Variants in INSR observed in about 807,000 individuals in gnomAD.
INSR encodes IR.
INSR carries 67 observed loss-of-function variants against 142.6 expected under a neutral mutation model. That is an observed-to-expected ratio of 0.47 (90% confidence interval 0.39 to 0.58). The LOEUF is 0.58. Ranked by LOEUF, INSR falls within the 20% of genes least tolerant of loss-of-function variation. INSR has a pLI of 0.00. For missense variants in INSR, 1,248 were observed against 1,833.2 expected, an observed-to-expected ratio of 0.68 and a Z score of 5.83; for synonymous variants, 756 against 743.1, an observed-to-expected ratio of 1.02 and a Z score of -0.28.
Position 7,238,756 on chromosome 19 carries a change from C to T in INSR, c.652+28589G>A, listed in dbSNP as rs544177752. Among the ~76,000 whole-genome samples the T allele has an allele frequency of 2.1e-4, 32 of 151,946 alleles. 1 individual carries two copies. Among genetic ancestry groups the T allele is most frequent in the Admixed American group, 1.8e-3 (27 of 15,232 alleles). On this transcript the variant is annotated intron_variant, in intron 2 of 21. Transcript: ENST00000302850. ...ACTTTTGTACTGCCCTCCATTCCCT[C>T]CATATTCCTCACTGGAAAGAGGCTC...
intron 2 of INSR, among the ~76,000 whole-genome samples, chr19:7,214,148 G>A (rs1160011780): frequency 3.9e-5 from 6 of 152,104 alleles, no homozygotes; most frequent in South Asian, 2.1e-4. Context: ...GTGATTAAAC[G>A]CCTTACTCAT....
chr19:7,213,354 AAAAAAC>A (rs1975337056), intron 2 of INSR, among the ~76,000 whole-genome samples: 1 of 148,690 alleles, frequency 6.7e-6, no homozygotes, highest in Non-Finnish European at 1.5e-5. Context: ...AAAAAAAAAA[AAAAAAC>A]AAACAAAAAA....
intron 2 of INSR, among the ~76,000 whole-genome samples, chr19:7,265,684 G>A (rs1342874638): frequency 2.7e-5 from 4 of 150,060 alleles, no homozygotes; most frequent in African/African-American, 9.9e-5. Context: ...GCAGTGAGCC[G>A]AGATTGCACC....
At chr19:7,143,978 C>G (rs1973131992) in intron 11 of INSR, among the ~76,000 whole-genome samples, 1 of 151,822 alleles carries the variant, frequency 6.6e-6, no homozygotes, top group Non-Finnish European at 1.5e-5. Context: ...TTGCTTGAAC[C>G]CGGGAGGCGG....
chr19:7,173,377 G>A (rs1263791425), intron 4 of INSR, among the ~76,000 whole-genome samples: 1 of 151,960 alleles, frequency 6.6e-6, no homozygotes, highest in Non-Finnish European at 1.5e-5. Context: ...GGAGTGCAGT[G>A]GTGTGATCTC....
chr19:7,153,434 A>G (rs968934246), intron 9 of INSR, among the ~76,000 whole-genome samples: 7 of 61,458 alleles, frequency 1.1e-4, no homozygotes, highest in East Asian at 5.5e-4. Flanking sequence ...ACACCACACA[A>G]ATCACACACA....
intron 2 of INSR, among the ~76,000 whole-genome samples, chr19:7,199,690 A>C (rs181818592): frequency 4.2e-4 from 63 of 149,476 alleles, no homozygotes; most frequent in Non-Finnish European, 8.3e-4. Context: ...TGAGGAACCC[A>C]GCCTGGCTGT....
At chr19:7,288,728 T>C (rs10410130) in intron 1 of INSR, among the ~76,000 whole-genome samples, 1,522 of 147,268 alleles carry the variant, frequency 0.01, 31 homozygotes, top group African/African-American at 0.036. Context: ...TCTGGGAGGC[T>C]GAGGTAGGTG....
intron 2 of INSR, among the ~76,000 whole-genome samples, chr19:7,265,222 A>G (rs1967685765): frequency 6.6e-6 from 1 of 152,196 alleles, no homozygotes; most frequent in Non-Finnish European, 1.5e-5. Context: ...CATGATCAGA[A>G]CAGTCACTAC....
chr19:7,173,104 C>A (rs1321256482), intron 4 of INSR, among the ~76,000 whole-genome samples: 1 of 152,040 alleles, frequency 6.6e-6, no homozygotes, highest in Non-Finnish European at 1.5e-5. Context: ...CATGAAAGAG[C>A]CCTTTATAGG....
intron 2 of INSR, among the ~76,000 whole-genome samples, chr19:7,226,621 G>A (rs1020776144): frequency 1.3e-5 from 2 of 150,916 alleles, no homozygotes; most frequent in Non-Finnish European, 1.5e-5. Flanking sequence ...CCAGCTACTC[G>A]GGAAGCTGAA....
At chr19:7,270,736 C>T (rs1967898517) in intron 1 of INSR, among the ~76,000 whole-genome samples, 1 of 151,694 alleles carries the variant, frequency 6.6e-6, no homozygotes, top group Admixed American at 6.6e-5. Flanking sequence ...CCAGCTTGGG[C>T]AACAGAGTGA....
chr19:7,196,749 TA>T (rs11334237), intron 2 of INSR, among the ~76,000 whole-genome samples: 2,695 of 144,728 alleles, frequency 0.019, 70 homozygotes, highest in African/African-American at 0.056. Flanking sequence ...AAAAAAAACT[TA>T]AAAAAAAAAA....
rs1353035625 is a variant in INSR at position 7,125,689 on chromosome 19, C to T, written c.3014-162G>A. On this transcript the variant is annotated intron_variant, in intron 16 of 21. Coordinates refer to ENST00000302850, the MANE Select transcript of INSR (RefSeq NM_000208.4). The surrounding 1 kb of genome is among the most constrained non-coding windows in gnomAD (Gnocchi z 4.9). ...ACTGGGCATATGGCCGAGAACAGGA[C>T]AGGCATCTGCACCCATGGAGAGGGC... 6.6e-6 allele frequency among the ~76,000 whole-genome samples: 1 copy of T among 152,138 alleles called. No individual in the cohort carries two copies. Among genetic ancestry groups the T allele is most frequent in the African/African-American group, 2.4e-5 (1 of 41,438 alleles).
chr19:7,254,103 G>C (rs1228178595), intron 2 of INSR, among the ~76,000 whole-genome samples: 3 of 151,922 alleles, frequency 2.0e-5, no homozygotes, highest in Non-Finnish European at 4.4e-5. Context: ...CCTGGTGGCT[G>C]ACACCTGTAA....
chr19:7,177,902 G>A (rs895179988), intron 3 of INSR, among the ~76,000 whole-genome samples: 1 of 151,926 alleles, frequency 6.6e-6, no homozygotes, highest in African/African-American at 2.4e-5. Context: ...ATTCCCAACT[G>A]TTACAGTCTC....
chr19:7,184,339 G>A lies in INSR; in HGVS notation c.951C>T (p.Ser317=), dbSNP rs775418479. 2.5e-5 allele frequency: 40 copies of A among 1,613,690 alleles called. No homozygotes were observed. Among genetic ancestry groups the A allele is most frequent in the Non-Finnish European group, 2.8e-5 (33 of 1,179,938 alleles). The change falls in exon 3 of 22, where the codon TCC becomes TCT. Residue 317 remains serine, a synonymous_variant. Transcript: ENST00000302850. Reference sequence around the variant, plus strand: ...ACTTGCTGGAATTCATCGTGTACCCGGAGGGACACTCAGGGATGCACTTGT... The same window carrying A: ...ACTTGCTGGAATTCATCGTGTACCCAGAGGGACACTCAGGGATGCACTTGT... The part of the protein sequence containing the change: ...HNNKCIPECP[S]GYTMNSSNLL...
In INSR at chr19:7,132,146, A is replaced by C; in HGVS notation, c.2842+12T>G. The C allele has an allele frequency of 7.4e-6, 12 of 1,614,090 alleles. No homozygotes were observed. The highest frequency in any genetic ancestry group is 7.6e-6 in the Non-Finnish European group (9 of 1,179,922). On this transcript the variant is annotated intron_variant, in intron 14 of 21. Transcript: ENST00000302850. ...ACAGCCCCAGTCAGCTGAGGCTGCC[A>C]TGGAGACTTACAATAGTCTGTCACG...
intron 2 of INSR, among the ~76,000 whole-genome samples, chr19:7,266,597 T>G (rs930708635): frequency 1.3e-5 from 2 of 151,960 alleles, no homozygotes; most frequent in Non-Finnish European, 2.9e-5. Flanking sequence ...GTTGGTCAGG[T>G]TGGTCTCGAA....
Sources: allele counts gnomAD v4.1 joint callset (sites outside exome capture counted in the v4.1 genomes callset), GRCh38; gene constraint gnomAD v4.1.1; non-coding constraint Gnocchi (gnomAD v3.1); transcripts MANE v1.5; gene names NCBI Gene and HGNC (gene_info 2026-07-23, HGNC 2026-07-21).